KLHL29: variants seen among roughly 807,000 people sequenced by gnomAD.
KLHL29 encodes kelch like family member 29, also known as kelch-like protein 29.
A neutral mutation model predicts 80.4 loss-of-function variants in KLHL29; 21 were observed. The observed-to-expected ratio is 0.26, with a 90% CI of 0.19 to 0.38. KLHL29 has a LOEUF of 0.38. KLHL29 is among the 10% of genes least tolerant of loss of function. KLHL29 has a pLI of 1.00. For missense variants in KLHL29, 867 were observed against 1,223.9 expected (o/e 0.71, Z 4.35); for synonymous variants, 511 against 526.8 (o/e 0.97, Z 0.41).
intron 2 of KLHL29, chr2:23,507,111 G>A (rs1213247149): frequency 1.1e-5 from 5 of 450,248 alleles, no homozygotes; most frequent in Middle Eastern, 3.7e-4. Flanking sequence ...GCTCAACATC[G>A]CTGCCTGGGT....
At chr2:23,451,951 C>T (rs544927639) in intron 1 of KLHL29, among the ~76,000 whole-genome samples, 7 of 151,892 alleles carry the variant, frequency 4.6e-5, no homozygotes, top group South Asian at 2.1e-4. Context: ...GGGCAGAAGG[C>T]GAAGAGGGAG....
At chr2:23,406,799 A>G (rs935870483) in intron 1 of KLHL29, among the ~76,000 whole-genome samples, 1 of 152,198 alleles carries the variant, frequency 6.6e-6, no homozygotes, top group Non-Finnish European at 1.5e-5. Context: ...TCATGTTTGC[A>G]TAGAGTTCTA....
intron 1 of KLHL29, among the ~76,000 whole-genome samples, chr2:23,454,311 G>C (rs1239604298): frequency 6.6e-6 from 1 of 150,690 alleles, no homozygotes; most frequent in African/African-American, 2.5e-5. Flanking sequence ...GTCACGTCCT[G>C]TGTCCCATTC....
intron 2 of KLHL29, among the ~76,000 whole-genome samples, chr2:23,513,346 C>T (rs916862411): frequency 6.6e-6 from 1 of 152,140 alleles, no homozygotes; most frequent in Non-Finnish European, 1.5e-5. Context: ...TTTCTGGAGT[C>T]CCTGAATTAC....
chr2:23,642,688 C>A lies in KLHL29; in HGVS notation c.778C>A (p.Pro260Thr), dbSNP rs541465243. The A allele has an allele frequency of 1.8e-5, 28 of 1,548,098 alleles. No homozygotes were observed. The Admixed American group carries it at 2.6e-4, about 14-fold the overall frequency. ...TAVGNGHMAGPLLPPPPPAQP... is the reference protein window; with the variant it reads ...TAVGNGHMAGTLLPPPPPAQP... The stretch of plus-strand genomic sequence containing the variant: ...TGTGGGCAACGGCCACATGGCAGGG[C>A]CCCTGCTGCCTCCACCGCCGCCAGC... Residue 260 changes from proline to threonine, a missense_variant, in exon 5 of 14, where the codon CCC becomes ACC. Pro to Thr is a conservative substitution (Grantham distance 38). This residue lies in a region of KLHL29 where 424 missense variants were observed against 456.9 expected (regional missense o/e 0.93). Transcript: ENST00000486442.
At chr2:23,533,201 G>A (rs531904329) in intron 2 of KLHL29, among the ~76,000 whole-genome samples, 48 of 152,292 alleles carry the variant, frequency 3.2e-4, no homozygotes, top group Non-Finnish European at 5.7e-4. Flanking sequence ...GAAACCATGC[G>A]TATGTGTGAG....
chr2:23,630,255 C>T (rs1001645577), intron 3 of KLHL29, among the ~76,000 whole-genome samples: 65 of 152,236 alleles, frequency 4.3e-4, no homozygotes, highest in African/African-American at 1.5e-3. Context: ...AGGCCGTGGC[C>T]GGTGTGCTTG....
intron 3 of KLHL29, among the ~76,000 whole-genome samples, chr2:23,585,515 A>T (rs1445143453): frequency 6.6e-6 from 1 of 152,162 alleles, no homozygotes; most frequent in African/African-American, 2.4e-5. Flanking sequence ...TCACGAGAAG[A>T]GGGGAGGCTC....
chr2:23,559,498 G>A (rs976156628), intron 2 of KLHL29, among the ~76,000 whole-genome samples: 2 of 152,086 alleles, frequency 1.3e-5, no homozygotes, highest in Admixed American at 6.5e-5. Context: ...ATGGAAGGTC[G>A]TGGCTGCAGA....
In KLHL29 at chr2:23,695,646, G is replaced by T. The variant is rs1210588227; in HGVS notation, c.1566G>T (p.Val522=). The T allele has an allele frequency of 6.4e-7, 1 of 1,551,006 alleles. No homozygotes were observed. The highest frequency in any genetic ancestry group is 8.7e-7 in the Non-Finnish European group (1 of 1,146,812). ...RTQYAAELLA[V]VRLPFIHPSY... The stretch of plus-strand genomic sequence containing the variant: ...AGTACGCGGCTGAGCTCCTGGCCGT[G>T]GTCCGCCTCCCCTTCATCCACCCCA... The change falls in exon 9 of 14, where the codon GTG becomes GTT. Residue 522 remains valine (V), a synonymous_variant. Transcript: ENST00000486442. This position sits in a 1 kb window ranked among gnomAD's most constrained non-coding sequence, Gnocchi z 7.6.
intron 11 of KLHL29, among the ~76,000 whole-genome samples, chr2:23,701,491 T>C (rs565907980): frequency 1.3e-5 from 2 of 152,262 alleles, no homozygotes; most frequent in African/African-American, 4.8e-5. Context: ...GGTGGGAGGA[T>C]TGCTTAAGCT....
intron 3 of KLHL29, among the ~76,000 whole-genome samples, chr2:23,633,432 A>G (rs948107505): frequency 6.6e-6 from 1 of 152,104 alleles, no homozygotes; most frequent in Non-Finnish European, 1.5e-5. Context: ...GCCCTTTACT[A>G]TTTTGCAATA....
intron 1 of KLHL29, among the ~76,000 whole-genome samples, chr2:23,434,747 G>T (rs903181231): frequency 3.9e-5 from 6 of 152,222 alleles, no homozygotes; most frequent in Non-Finnish European, 8.8e-5. Flanking sequence ...ATAATGGGGC[G>T]AGGCTGGCTA....
chr2:23,608,455 T>G (rs1167671656), intron 3 of KLHL29, among the ~76,000 whole-genome samples: 1 of 151,594 alleles, frequency 6.6e-6, no homozygotes, highest in South Asian at 2.1e-4. Context: ...CTTTTTTTTT[T>G]CCTCTGTCTT....
intron 2 of KLHL29, among the ~76,000 whole-genome samples, chr2:23,534,266 T>C (rs1177788212): frequency 6.6e-6 from 1 of 152,204 alleles, no homozygotes; most frequent in East Asian, 1.9e-4. Flanking sequence ...TTAGTATGAC[T>C]TACCTTGTAG....
intron 3 of KLHL29, among the ~76,000 whole-genome samples, chr2:23,601,639 TC>T (rs1668575063): frequency 1.3e-5 from 2 of 152,174 alleles, no homozygotes; most frequent in Admixed American, 1.3e-4. Context: ...ATCAACGTGT[TC>T]CTTTGCATGA....
At chr2:23,436,387 T>C (rs1462658890) in intron 1 of KLHL29, among the ~76,000 whole-genome samples, 2 of 150,810 alleles carry the variant, frequency 1.3e-5, no homozygotes, top group Non-Finnish European at 2.9e-5. Context: ...TGCAAAGCCA[T>C]CTTTGAGAGC....
In KLHL29 at chr2:23,680,901, C is replaced by T. The variant is rs571809479; in HGVS notation, c.941-3498C>T. 1.3e-5 allele frequency among the ~76,000 whole-genome samples: 2 copies of T among 152,278 alleles called. No individual in the cohort carries two copies. The highest frequency in any genetic ancestry group is 4.8e-5 in the African/African-American group (2 of 41,558). On this transcript the variant is annotated intron_variant, in intron 5 of 13. Coordinates refer to ENST00000486442, the MANE Select transcript of KLHL29 (RefSeq NM_052920.2). This position sits in a 1 kb window ranked among gnomAD's most constrained non-coding sequence, Gnocchi z 4.1. ...GCTTCTGGAAGTCCACTCTGAAGAC[C>T]CAGCCCCGAGGCCTGCAAATCTCCC...
intron 2 of KLHL29, among the ~76,000 whole-genome samples, chr2:23,538,428 T>A (rs960723051): frequency 1.3e-5 from 2 of 152,238 alleles, no homozygotes; most frequent in Non-Finnish European, 2.9e-5. Context: ...TTTATCAAGA[T>A]GTCTAAAAGC....
Sources: gnomAD v4.1 joint callset for allele counts (sites outside exome capture counted in the v4.1 genomes callset) on GRCh38, gnomAD v4.1.1 for gene constraint, gnomAD v4.1.1 regional missense constraint, Gnocchi (gnomAD v3.1) non-coding constraint, MANE v1.5 for transcripts, NCBI Gene and HGNC (gene_info 2026-07-23, HGNC 2026-07-21) for gene names.